The following LRFN5 variants were observed in gnomAD, a reference collection of about 807,000 sequenced individuals.
The protein encoded by LRFN5 is leucine rich repeat and fibronectin type III domain containing 5, also known as leucine-rich repeat and fibronectin type-III domain-containing protein 5.
LRFN5 carries 24 observed loss-of-function variants against 45.6 expected under a neutral mutation model. That is an observed-to-expected ratio of 0.53 (90% CI 0.38 to 0.74). The LOEUF (loss-of-function observed/expected upper bound fraction) is 0.74. Among genes scored for constraint, LRFN5 ranks in the 30% least tolerant of loss-of-function variants. The pLI is 0.00. For missense variants in LRFN5, 776 were observed against 861.5 expected (o/e 0.90, Z 1.24); for synonymous variants, 340 against 313.8 (o/e 1.08, Z -0.88).
chr14:41,752,244 T>C (rs868588316), intron 1 of LRFN5, among the ~76,000 whole-genome samples: 1 of 152,208 alleles, frequency 6.6e-6, no homozygotes, highest in South Asian at 2.1e-4. Flanking sequence ...TGTGTCTTTA[T>C]AGCAGCATGT....
intron 2 of LRFN5, among the ~76,000 whole-genome samples, chr14:41,844,494 G>A (rs373517775): frequency 3.3e-5 from 5 of 151,572 alleles, no homozygotes; most frequent in South Asian, 4.2e-4. Context: ...TTGGAGTTGC[G>A]GTAAGATGGG....
intron 2 of LRFN5, among the ~76,000 whole-genome samples, chr14:41,778,015 G>T (rs199524991): frequency 1.2e-5 from 1 of 82,238 alleles, no homozygotes; most frequent in Non-Finnish European, 2.3e-5. Flanking sequence ...TTTTGGTGGG[G>T]GGGGGGGATT....
intron 2 of LRFN5, among the ~76,000 whole-genome samples, chr14:41,881,211 A>G (rs1890367492): frequency 6.6e-6 from 1 of 152,042 alleles, no homozygotes; most frequent in Admixed American, 6.5e-5. Context: ...TGCTGTTGTT[A>G]TATCTTGCAC....
At chr14:41,740,493 A>G (rs990625246) in intron 1 of LRFN5, among the ~76,000 whole-genome samples, 1 of 152,040 alleles carries the variant, frequency 6.6e-6, no homozygotes, top group African/African-American at 2.4e-5. Flanking sequence ...ACATTTGACT[A>G]CATTTAACAT....
chr14:41,660,824 AAT>A (rs34487620), intron 1 of LRFN5, among the ~76,000 whole-genome samples: 48,668 of 148,654 alleles, frequency 0.33, 8,452 homozygotes, highest in African/African-American at 0.46. Context: ...ATTCTCTTTA[AAT>A]ATATATATAT....
intron 5 of LRFN5, 48 bp from the exon 6 acceptor site, chr14:41,904,110 T>C: frequency 6.8e-7 from 1 of 1,474,352 alleles, no homozygotes; most frequent in Non-Finnish European, 9.3e-7. Flanking sequence ...GTTTTCTTTC[T>C]TTCTTCCTTT....
intron 2 of LRFN5, among the ~76,000 whole-genome samples, chr14:41,862,501 A>G (rs1889700503): frequency 6.6e-6 from 1 of 152,152 alleles, no homozygotes. Flanking sequence ...ATTGCATATA[A>G]TGCTGATAGG....
At chr14:41,608,889 C>G (rs1594544327) in intron 1 of LRFN5, among the ~76,000 whole-genome samples, 1 of 152,286 alleles carries the variant, frequency 6.6e-6, no homozygotes, top group South Asian at 2.1e-4. Flanking sequence ...GCTGTGGTTG[C>G]CACGGACCAT....
chr14:41,849,652 G>A (rs933333911), intron 2 of LRFN5, among the ~76,000 whole-genome samples: 2 of 151,868 alleles, frequency 1.3e-5, no homozygotes, highest in Non-Finnish European at 1.5e-5. Context: ...AGATTTCTCT[G>A]TCTCTTTTAT....
intron 1 of LRFN5, among the ~76,000 whole-genome samples, chr14:41,704,560 G>A (rs1006864726): frequency 7.9e-5 from 12 of 151,682 alleles, no homozygotes; most frequent in Non-Finnish European, 1.8e-4. Context: ...CTGAGCCCAA[G>A]CCATCATCCT....
intron 3 of LRFN5, among the ~76,000 whole-genome samples, chr14:41,891,029 G>T (rs116944671): frequency 0.01 from 1,547 of 152,242 alleles, 11 homozygotes; most frequent in Non-Finnish European, 0.014. Flanking sequence ...TAGTAAGCTT[G>T]TGAAGGCTTG....
intron 2 of LRFN5, among the ~76,000 whole-genome samples, chr14:41,870,309 T>A (rs576709170): frequency 2.0e-5 from 3 of 152,278 alleles, no homozygotes; most frequent in East Asian, 1.9e-4. Context: ...TTCAAACGAT[T>A]TGCCCAATAT....
At chr14:41,706,083 A>C (rs1883052261) in intron 1 of LRFN5, among the ~76,000 whole-genome samples, 1 of 152,012 alleles carries the variant, frequency 6.6e-6, no homozygotes, top group Admixed American at 6.6e-5. Flanking sequence ...ACATGCTACA[A>C]CAAAGTTCCG....
intron 2 of LRFN5, among the ~76,000 whole-genome samples, chr14:41,776,932 G>A (rs1354419800): frequency 6.6e-6 from 1 of 151,842 alleles, no homozygotes; most frequent in African/African-American, 2.4e-5. Flanking sequence ...ATAACCAATT[G>A]TCTTGTATTG....
chr14:41,661,926 C>T (rs757586106), intron 1 of LRFN5, among the ~76,000 whole-genome samples: 12 of 152,020 alleles, frequency 7.9e-5, no homozygotes, highest in Non-Finnish European at 1.5e-4. Flanking sequence ...TGATTAAAAG[C>T]ATTCATTAAC....
At chr14:41,654,814 C>G (rs921146562) in intron 1 of LRFN5, among the ~76,000 whole-genome samples, 1 of 151,956 alleles carries the variant, frequency 6.6e-6, no homozygotes, top group Non-Finnish European at 1.5e-5. Context: ...GACCTTCCCA[C>G]AGTACTGATA....
chr14:41,845,460 T>C (rs186517685), intron 2 of LRFN5, among the ~76,000 whole-genome samples: 8 of 152,256 alleles, frequency 5.3e-5, no homozygotes, highest in East Asian at 1.9e-4. Context: ...ATTTGCATGG[T>C]GTATCTAAAC....
Position 41,615,709 on chromosome 14 carries a change from A to G in LRFN5, c.-197+7147A>G, listed in dbSNP as rs1887906429. Reference sequence around the variant, plus strand: ...GCCGGCACTCATTTTAGATGTTACCATTTGATCAATGTTTTCTTCTTGCTG... The same window carrying G: ...GCCGGCACTCATTTTAGATGTTACCGTTTGATCAATGTTTTCTTCTTGCTG... On this transcript the variant is annotated intron_variant, in intron 1 of 5. Coordinates refer to ENST00000298119, the MANE Select transcript of LRFN5 (RefSeq NM_152447.5). Among the ~76,000 whole-genome samples the G allele has an allele frequency of 2.0e-5, 3 of 152,242 alleles. No homozygotes were observed. The South Asian group carries it at 6.2e-4, about 32-fold the overall frequency.
At chr14:41,726,152 C>G (rs1883922617) in intron 1 of LRFN5, among the ~76,000 whole-genome samples, 1 of 152,078 alleles carries the variant, frequency 6.6e-6, no homozygotes, top group Non-Finnish European at 1.5e-5. Context: ...TAGAACTGTT[C>G]CTATTTGGAG....
Sources: allele counts gnomAD v4.1 joint callset (sites outside exome capture counted in the v4.1 genomes callset), GRCh38; gene constraint gnomAD v4.1.1; transcripts MANE v1.5; gene names NCBI Gene and HGNC (gene_info 2026-07-23, HGNC 2026-07-21).